Variants in DST observed in about 807,000 individuals in gnomAD.
DST encodes the protein bullous pemphigoid antigen.
In DST, 253 loss-of-function variants were observed where a neutral mutation model predicts 875.2. The ratio of observed to expected loss-of-function variants is 0.29; its 90% CI spans 0.26 to 0.32. DST has a LOEUF of 0.32. DST is among the 10% of genes least tolerant of loss of function. The probability of loss-of-function intolerance (pLI) is 1.00; values close to 1 mark genes in which losing one functional copy is unlikely to be tolerated. For synonymous variants in DST, 3,124 were observed against 3,197.1 expected, an observed-to-expected ratio of 0.98 and a Z score of 0.77; for missense variants, 8,287 against 9,111.6, an observed-to-expected ratio of 0.91 and a Z score of 3.68.
chr6:56,559,345 T>A (rs1163307192), intron 58 of DST, among the ~76,000 whole-genome samples: 2 of 152,110 alleles, frequency 1.3e-5, no homozygotes, highest in East Asian at 1.9e-4. Context: ...AGTGTCAAAT[T>A]AATTACAACT....
rs1279040255 is a variant in DST at position 56,494,007 on chromosome 6, T to C, written c.20394+3A>G. ...ATTCTATTATATTAATCAAAGCACATACTTTCCTTTCATTGAGTTTGGTTT... is the reference window on the plus strand; with the variant it reads ...ATTCTATTATATTAATCAAAGCACACACTTTCCTTTCATTGAGTTTGGTTT... On this transcript the variant is annotated splice_donor_region_variant and intron_variant, in intron 83 of 103. Transcript: ENST00000680361. 1 of 1,581,898 alleles carries C rather than the reference T, an allele frequency of 6.3e-7. No individual in the cohort carries two copies. Among genetic ancestry groups the C allele is most frequent in the Admixed American group, 1.7e-5 (1 of 57,902 alleles).
chr6:56,823,997 G>A (rs1289106605), intron 4 of DST, among the ~76,000 whole-genome samples: 1 of 152,102 alleles, frequency 6.6e-6, no homozygotes, highest in Admixed American at 6.6e-5. Context: ...CTCTGCCTCT[G>A]CCTCTGCCTC....
chr6:56,932,023 T>C (rs77033854), intron 2 of DST, among the ~76,000 whole-genome samples: 1 of 152,130 alleles, frequency 6.6e-6, no homozygotes, highest in African/African-American at 2.4e-5. Context: ...CGTGAGGACA[T>C]GAGATTAGGA....
chr6:56,709,284 A>G (rs1385720542), intron 5 of DST, among the ~76,000 whole-genome samples: 1 of 152,240 alleles, frequency 6.6e-6, no homozygotes, highest in Non-Finnish European at 1.5e-5. Flanking sequence ...AAAATTCTAA[A>G]CAAGATGCTG....
chr6:56,614,133 A>G (rs1223451334), intron 37 of DST, among the ~76,000 whole-genome samples: 1 of 152,220 alleles, frequency 6.6e-6, no homozygotes, highest in Non-Finnish European at 1.5e-5. Flanking sequence ...TAAAAATAAG[A>G]ACAATATATA....
At position 56,833,233 on chromosome 6, in the gene DST, T is replaced by C. The variant is rs868086705; in HGVS notation, c.625+18164A>G. 3.3e-5 allele frequency among the ~76,000 whole-genome samples: 5 copies of C among 152,234 alleles called. No individual in the cohort carries two copies. In the South Asian group the frequency reaches 1.0e-3, roughly 32 times the overall value. ...AGAAAAAAAGCAAATAATCTTGCTG[T>C]AACTCAACTCATGTTTTTAAAATCA... On this transcript the variant is annotated intron_variant, in intron 4 of 103. Transcript: ENST00000680361.
chr6:56,786,895 T>C (rs986664431), intron 4 of DST, among the ~76,000 whole-genome samples: 1 of 152,160 alleles, frequency 6.6e-6, no homozygotes, highest in African/African-American at 2.4e-5. Context: ...AATGAGGGGA[T>C]AAAAAAATCA....
At chr6:56,740,791 A>G (rs1285324097) in intron 4 of DST, among the ~76,000 whole-genome samples, 2 of 152,182 alleles carry the variant, frequency 1.3e-5, no homozygotes, top group African/African-American at 4.8e-5. Flanking sequence ...TGATGTTCTA[A>G]GCATCCAGCA....
At chr6:56,650,222 G>T (rs966960689) in intron 12 of DST, among the ~76,000 whole-genome samples, 11 of 149,872 alleles carry the variant, frequency 7.3e-5, no homozygotes, top group Admixed American at 3.4e-4. Context: ...CTGCAAAGAG[G>T]AAGGCAGAAA....
chr6:56,560,579 C>T lies in DST; in HGVS notation c.14311-156G>A, dbSNP rs1389350293. The stretch of plus-strand genomic sequence containing the variant: ...GGGCCTGGATTTTGCAATTATTTTC[C>T]TTTCCTCTTCTTAGCTAGTGTTCAA... On this transcript the variant is annotated intron_variant, in intron 57 of 103. Coordinates refer to ENST00000680361, the MANE Select transcript of DST (RefSeq NM_001374736.1). 1.0e-5 allele frequency: 7 copies of T among 671,550 alleles called. No individual in the cohort carries two copies. The African/African-American group carries it at 1.1e-4, about 11-fold the overall frequency. 41.6% of individuals were successfully genotyped at this position (671,550 alleles called of 1,614,324 possible).
In DST at chr6:56,485,551, A is replaced by G. The variant is rs535323851; in HGVS notation, c.21048-80T>C. 2.2e-5 allele frequency: 30 copies of G among 1,373,528 alleles called. No homozygotes were observed. In the East Asian group the frequency reaches 7.3e-4, roughly 34 times the overall value. 85.1% of individuals were successfully genotyped at this position (1,373,528 alleles called of 1,614,324 possible). A position where few individuals can be genotyped will look rare whatever the true frequency, so the allele number is the denominator to read the frequency against. ...TCTGAACATCTAAAATTAATTGATG[A>G]AGGTTGAGTGGTACTCAAGGGGAAG... is the stretch of plus-strand genomic sequence containing the variant. On this transcript the variant is annotated intron_variant, in intron 87 of 103. Coordinates refer to ENST00000680361, the MANE Select transcript of DST (RefSeq NM_001374736.1).
chr6:56,511,929 G>A (rs921025736), intron 72 of DST, among the ~76,000 whole-genome samples: 1 of 152,062 alleles, frequency 6.6e-6, no homozygotes. Flanking sequence ...GCAATGCTGA[G>A]ACAAAACCTC....
At chr6:56,554,501 C>T (rs1437581047) in intron 60 of DST, among the ~76,000 whole-genome samples, 1 of 152,090 alleles carries the variant, frequency 6.6e-6, no homozygotes, top group Non-Finnish European at 1.5e-5. Context: ...ATGATTAAAC[C>T]TTTAAGCCTA....
rs746508893 is a variant in DST at position 56,553,580 on chromosome 6, G to A, written c.15212C>T (p.Ala5071Val). The A allele has an allele frequency of 3.1e-6, 5 of 1,613,728 alleles. No homozygotes were observed. The highest frequency in any genetic ancestry group is 3.3e-5 in the Admixed American group (2 of 60,008). Residue 5071 changes from alanine to valine, a missense_variant, in exon 61 of 104, where the codon GCT (alanine) becomes GTT (valine). Physicochemically the swap from Ala to Val is moderately conservative, Grantham distance 64. This residue lies in a region of DST where 1,513 missense variants were observed against 1,677.8 expected (regional missense o/e 0.90). Coordinates refer to ENST00000680361, the MANE Select transcript of DST (RefSeq NM_001374736.1). ...CTCTTCTTTCTTTGTATCCAGCCAA[G>A]CCTGAAAATCTCTAGACATTTGCTG... ...QFQQMSRDFQ[A>V]WLDTKKEEQN...
In DST at chr6:56,634,913, G is replaced by A. The variant is rs2152766073; in HGVS notation, c.3227C>T (p.Ala1076Val). Residue 1076 changes from alanine (A) to valine (V), a missense_variant, in exon 25 of 104, where the codon GCA becomes GTA. This residue lies in a region of DST where 1,160 missense variants were observed against 1,424.3 expected (regional missense o/e 0.81). Transcript: ENST00000680361. ...EELLQYKSTI[A>V]NLMGKAKTII... is the part of the protein sequence containing the mutation. ...TGTTTTTGCTTTTCCCATTAGGTTT[G>A]CTATAGTGCTTTTGTACTGCAGAAG... 1.2e-6 allele frequency: 2 copies of A among 1,613,294 alleles called. No individual in the cohort carries two copies. The highest frequency in any genetic ancestry group is 8.5e-7 in the Non-Finnish European group (1 of 1,179,560).
At chr6:56,748,997 T>C (rs147761186) in intron 4 of DST, among the ~76,000 whole-genome samples, 2 of 152,332 alleles carry the variant, frequency 1.3e-5, no homozygotes, top group East Asian at 1.9e-4. Context: ...AAGTCCCCTA[T>C]ATTGTAAATT....
chr6:56,727,872 G>A (rs1271121961), intron 5 of DST, among the ~76,000 whole-genome samples: 1 of 152,168 alleles, frequency 6.6e-6, no homozygotes, highest in Non-Finnish European at 1.5e-5. Flanking sequence ...CAGGAAGGAC[G>A]AAGGACTAAA....
At chr6:56,507,763 C>T (rs2096369156) in intron 75 of DST, among the ~76,000 whole-genome samples, 1 of 152,150 alleles carries the variant, frequency 6.6e-6, no homozygotes, top group Non-Finnish European at 1.5e-5. Flanking sequence ...TAGGCATGAG[C>T]TAGGCTGGCA....
chr6:56,463,493 A>ATAGAACATT, intron 101 of DST, 72 bp downstream of exon 101: 1 of 1,357,998 alleles, frequency 7.4e-7, no homozygotes, highest in Non-Finnish European at 9.9e-7. Flanking sequence ...AGGGCCCTAA[A>ATAGAACATT]TAGAACATTC....
Sources: gnomAD v4.1 joint callset for allele counts (sites outside exome capture counted in the v4.1 genomes callset) on GRCh38, gnomAD v4.1.1 for gene constraint, gnomAD v4.1.1 regional missense constraint, MANE v1.5 for transcripts, NCBI Gene and HGNC (gene_info 2026-07-23, HGNC 2026-07-21) for gene names.